Variants in NEURL4 observed in about 807,000 individuals in gnomAD.
The protein encoded by NEURL4 is neuralized-like protein 4.
A neutral mutation model predicts 148.0 loss-of-function variants in NEURL4; 45 were observed. That is an observed-to-expected ratio of 0.30 (90% CI 0.24 to 0.39). The LOEUF (loss-of-function observed/expected upper bound fraction) is 0.39. Among genes scored for constraint, NEURL4 ranks in the 10% least tolerant of loss-of-function variants. NEURL4 has a pLI of 1.00. For synonymous variants in NEURL4, 854 were observed against 869.0 expected (o/e 0.98, Z 0.30); for missense variants, 1,776 against 2,144.0 (o/e 0.83, Z 3.39).
chr17:7,322,337 T>C lies in NEURL4; in HGVS notation c.2726-327A>G, dbSNP rs941082077. Among the ~76,000 whole-genome samples the C allele has an allele frequency of 6.6e-6, 1 of 152,158 alleles. No homozygotes were observed. The highest frequency in any genetic ancestry group is 1.5e-5 in the Non-Finnish European group (1 of 68,018). Reference sequence around the variant, plus strand: ...CACACCTGCCTACATTTTGTATTTTTGGTACAGACGGGGTTTCGCCATGTT... The same window carrying C: ...CACACCTGCCTACATTTTGTATTTTCGGTACAGACGGGGTTTCGCCATGTT... On this transcript the variant is annotated intron_variant, in intron 16 of 28. Coordinates refer to ENST00000399464, the MANE Select transcript of NEURL4 (RefSeq NM_032442.3). This position sits in a 1 kb window ranked among gnomAD's most constrained non-coding sequence, Gnocchi z 5.5.
In NEURL4 at chr17:7,324,234, C is replaced by T. The variant is rs761752309; in HGVS notation, c.1936G>A (p.Gly646Arg). The T allele has an allele frequency of 1.1e-5, 17 of 1,612,436 alleles. No homozygotes were observed. The highest frequency in any genetic ancestry group is 1.7e-5 in the Admixed American group (1 of 59,980). Residue 646 changes from glycine to arginine, a missense_variant, in exon 11 of 29, where the codon GGG becomes AGG. Gly to Arg is a moderately radical substitution (Grantham distance 125). Transcript: ENST00000399464. The surrounding 1 kb of genome is among the most constrained non-coding windows in gnomAD (Gnocchi z 5.9). ...DTVGVVRRED[G>R]TLHFFVNGMT... Reference sequence around the variant, plus strand: ...CCATTGACAAAGAAGTGGAGAGTCCCGTCCTCCCGCCGTACCACGCCCACC... The same window carrying T: ...CCATTGACAAAGAAGTGGAGAGTCCTGTCCTCCCGCCGTACCACGCCCACC...
rs2073122195 is a variant in NEURL4 at position 7,327,769 on chromosome 17, C to A, written c.398G>T (p.Cys133Phe). 6.2e-7 allele frequency: 1 copy of A among 1,614,054 alleles called. No individual in the cohort carries two copies. The highest frequency in any genetic ancestry group is 1.1e-5 in the South Asian group (1 of 91,082). The change falls in exon 2 of 29, where the codon TGC becomes TTC. Residue 133 changes from cysteine (C) to phenylalanine (F), a missense_variant. Coordinates refer to ENST00000399464, the MANE Select transcript of NEURL4 (RefSeq NM_032442.3). This position sits in a 1 kb window ranked among gnomAD's most constrained non-coding sequence, Gnocchi z 6.6. ...AGAGCGTCCATCTCTCAGCACAGAG[C>A]AGCCCGACACTACCCACGAGCCCCC... is the stretch of plus-strand genomic sequence containing the variant. Reference protein sequence around the residue: ...LKGGSWVVSGCSVLRDGRSVL... With the variant: ...LKGGSWVVSGFSVLRDGRSVL...
chr17:7,321,985 G>T lies in NEURL4; in HGVS notation c.2751C>A (p.His917Gln), dbSNP rs1483959348. 1 of 1,610,476 alleles carries T rather than the reference G, an allele frequency of 6.2e-7. No homozygotes were observed. Among genetic ancestry groups the T allele is most frequent in the Admixed American group, 1.7e-5 (1 of 59,746 alleles). The change falls in exon 17 of 29, where the codon CAC becomes CAA. Residue 917 changes from histidine to glutamine, a missense_variant. Transcript: ENST00000399464. This position sits in a 1 kb window ranked among gnomAD's most constrained non-coding sequence, Gnocchi z 6.3. ...GAGTGACGTTCTTGCCGCAAGTACT[G>T]TGGAATCGGTGAGCCACGCCAGCCA... ...SPVAGVAHRF[H>Q]STCGKNVTLE...
chr17:7,316,987 C>G (rs1011828172), intron 28 of NEURL4, among the ~76,000 whole-genome samples: 1 of 152,006 alleles, frequency 6.6e-6, no homozygotes, highest in Non-Finnish European at 1.5e-5. Flanking sequence ...AGAGAAAAGG[C>G]AGAAGTTCCA....
chr17:7,325,055 C>A (rs1288631484), intron 8 of NEURL4, 75 bp from the exon 9 acceptor site: 3 of 1,576,404 alleles, frequency 1.9e-6, no homozygotes, highest in Non-Finnish European at 2.6e-6. Flanking sequence ...CCAGCAATGC[C>A]TGCCAACACT....
At position 7,319,100 on chromosome 17, in the gene NEURL4, G is replaced by A. The variant is rs200045023; in HGVS notation, c.3634C>T (p.Arg1212Trp). ...CGGCCCCGCAGCAGCCAGGCTGCCC[G>A]TTTGAGGGCACAGGCAGAAGCAGGG... is the stretch of plus-strand genomic sequence containing the variant. ...NFPASACALK[R>W]AAWLLRGRGV... is the part of the protein sequence containing the mutation. The change falls in exon 22 of 29, where the codon CGG becomes TGG. Residue 1212 changes from arginine (R) to tryptophan (W), a missense_variant. Coordinates refer to ENST00000399464, the MANE Select transcript of NEURL4 (RefSeq NM_032442.3). 34 of 1,613,936 alleles carry A rather than the reference G, an allele frequency of 2.1e-5. 1 individual carries two copies. Among genetic ancestry groups the A allele is most frequent in the Non-Finnish European group, 1.0e-5 (12 of 1,179,994 alleles).
rs1310016714 is a variant in NEURL4, at chr17:7,321,405, C to T, written c.3154G>A (p.Val1052Met). 3 of 1,614,166 alleles carry T rather than the reference C, an allele frequency of 1.9e-6. No individual in the cohort carries two copies. Among genetic ancestry groups the T allele is most frequent in the African/African-American group, 2.7e-5 (2 of 75,028 alleles). The change falls in exon 19 of 29, where the codon GTG (valine) becomes ATG (methionine). Residue 1052 changes from valine (V) to methionine (M), a missense_variant. Val to Met is a conservative substitution (Grantham distance 21). Coordinates refer to ENST00000399464, the MANE Select transcript of NEURL4 (RefSeq NM_032442.3). This position sits in a 1 kb window ranked among gnomAD's most constrained non-coding sequence, Gnocchi z 6.3. ...RGADDTMHIL[V>M]DGEDMGPAAT... ...GCAGGCCCCATATCCTCTCCATCCA[C>T]CAGGATGTGCATCGTGTCATCTGCC...
chr17:7,321,432 C>T lies in NEURL4; in HGVS notation c.3127G>A (p.Gly1043Arg). 1.2e-6 allele frequency: 2 copies of T among 1,614,160 alleles called. No homozygotes were observed. Among genetic ancestry groups the T allele is most frequent in the Non-Finnish European group, 1.7e-6 (2 of 1,180,034 alleles). ...GVGSRVGVRR[G>R]ADDTMHILVD... is the part of the protein sequence containing the mutation. ...AGGATGTGCATCGTGTCATCTGCCC[C>T]CCGACGAACACCCACACGGCTCCCC... Residue 1043 changes from glycine (G) to arginine (R), a missense_variant, in exon 19 of 29, where the codon GGG becomes AGG. Physicochemically the swap from Gly to Arg is moderately radical, Grantham distance 125. Transcript: ENST00000399464. This position sits in a 1 kb window ranked among gnomAD's most constrained non-coding sequence, Gnocchi z 6.3.
chr17:7,324,732 T>G lies in NEURL4; in HGVS notation c.1813+67A>C. On this transcript the variant is annotated intron_variant, in intron 9 of 28. Coordinates refer to ENST00000399464, the MANE Select transcript of NEURL4 (RefSeq NM_032442.3). The surrounding 1 kb of genome is among the most constrained non-coding windows in gnomAD (Gnocchi z 5.9). ...AGTGAAAAAGGAGCTGCAGAACAAGTGCCAGGGCTTTGGGGATAGCTTCCC... is the reference window on the plus strand; with the variant it reads ...AGTGAAAAAGGAGCTGCAGAACAAGGGCCAGGGCTTTGGGGATAGCTTCCC... 3.9e-6 allele frequency: 6 copies of G among 1,536,842 alleles called. No individual in the cohort carries two copies. The highest frequency in any genetic ancestry group is 4.5e-6 in the Non-Finnish European group (5 of 1,115,280).
In NEURL4 at chr17:7,326,478, T is replaced by C. The variant is rs1445530203; in HGVS notation, c.1163A>G (p.Asn388Ser). The C allele has an allele frequency of 6.2e-7, 1 of 1,613,974 alleles. No homozygotes were observed. The highest frequency in any genetic ancestry group is 1.3e-5 in the African/African-American group (1 of 74,894). ...CATGGTGGCTGGGTACTCCAAACTG[T>C]TGGGGTTGTGGGTGGTGACCCCAAT... is the stretch of plus-strand genomic sequence containing the variant. ...IEIGVTTHNPNSLEYPATMTN... is the reference protein window; with the variant it reads ...IEIGVTTHNPSSLEYPATMTN... The change falls in exon 5 of 29, where the codon AAC becomes AGC. Residue 388 changes from asparagine (N) to serine (S), a missense_variant. Physicochemically the swap from Asn to Ser is conservative, Grantham distance 46. Transcript: ENST00000399464. This position sits in a 1 kb window ranked among gnomAD's most constrained non-coding sequence, Gnocchi z 6.0.
rs991895147 is a variant in NEURL4, at chr17:7,327,021, G to A, written c.794-12C>T. ...CATGTTGGCAAAGTCTATAGCAGCAGGATGGAAGAAGGAAGCTCGGAAGTT... is the reference window on the plus strand; with the variant it reads ...CATGTTGGCAAAGTCTATAGCAGCAAGATGGAAGAAGGAAGCTCGGAAGTT... On this transcript the variant is annotated splice_polypyrimidine_tract_variant and intron_variant, in intron 3 of 28. Coordinates refer to ENST00000399464, the MANE Select transcript of NEURL4 (RefSeq NM_032442.3). This position sits in a 1 kb window ranked among gnomAD's most constrained non-coding sequence, Gnocchi z 6.6. 14 of 1,608,590 alleles carry A rather than the reference G, an allele frequency of 8.7e-6. No individual in the cohort carries two copies. The highest frequency in any genetic ancestry group is 3.3e-4 in the Middle Eastern group (2 of 6,060).
In NEURL4 at chr17:7,318,050, G is replaced by T; in HGVS notation, c.4060+15C>A. ...CCTGGGAATGAAGTCAGTTCTGGCG[G>T]ACTGTGGGACTCACCGGGAAGCAGC... On this transcript the variant is annotated intron_variant, in intron 25 of 28. Coordinates refer to ENST00000399464, the MANE Select transcript of NEURL4 (RefSeq NM_032442.3). The surrounding 1 kb of genome is among the most constrained non-coding windows in gnomAD (Gnocchi z 4.3). 6.2e-7 allele frequency: 1 copy of T among 1,613,734 alleles called. No individual in the cohort carries two copies. The highest frequency in any genetic ancestry group is 1.1e-5 in the South Asian group (1 of 91,044).
At chr17:7,317,419 C>G (rs567337724) in intron 27 of NEURL4, 42 bp downstream of exon 27, 1 of 1,612,998 alleles carries the variant, frequency 6.2e-7, no homozygotes, top group Non-Finnish European at 8.5e-7. Flanking sequence ...CTCCACAGCC[C>G]CCCAGGCTCA....
rs373140758 is a variant in NEURL4, at chr17:7,321,483, C to T, written c.3100-24G>A. The T allele has an allele frequency of 7.7e-5, 125 of 1,613,466 alleles. No homozygotes were observed. Among genetic ancestry groups the T allele is most frequent in the Middle Eastern group, 1.6e-4 (1 of 6,082 alleles). On this transcript the variant is annotated intron_variant, in intron 18 of 28. Transcript: ENST00000399464. The surrounding 1 kb of genome is among the most constrained non-coding windows in gnomAD (Gnocchi z 6.3). Reference sequence around the variant, plus strand: ...ACCTAGGACCGAGGTAGGACAAGGACGGACGATGTTCAGCCCACCTCTCCC... The same window carrying T: ...ACCTAGGACCGAGGTAGGACAAGGATGGACGATGTTCAGCCCACCTCTCCC...
Position 7,318,682 on chromosome 17 carries a change from G to A in NEURL4, c.3685-8C>T, listed in dbSNP as rs552299123. ...CCCAAACTTCTCGCAGATCTGGGAG[G>A]AGAGACCGGCTGTCTTCCAGAGGTC... On this transcript the variant is annotated splice_region_variant and splice_polypyrimidine_tract_variant and intron_variant, in intron 22 of 28. Coordinates refer to ENST00000399464, the MANE Select transcript of NEURL4 (RefSeq NM_032442.3). This position sits in a 1 kb window ranked among gnomAD's most constrained non-coding sequence, Gnocchi z 4.3. 5.6e-6 allele frequency: 9 copies of A among 1,598,728 alleles called. No individual in the cohort carries two copies. In the Admixed American group the frequency reaches 1.6e-4, roughly 28 times the overall value.
chr17:7,326,521 A>G lies in NEURL4; in HGVS notation c.1120T>C (p.Trp374Arg). The G allele has an allele frequency of 6.2e-7, 1 of 1,614,068 alleles. No homozygotes were observed. The highest frequency in any genetic ancestry group is 8.5e-7 in the Non-Finnish European group (1 of 1,180,010). Residue 374 changes from tryptophan to arginine, a missense_variant, in exon 5 of 29, where the codon TGG becomes CGG. Physicochemically the swap from Trp to Arg is moderately radical, Grantham distance 101. Transcript: ENST00000399464. The surrounding 1 kb of genome is among the most constrained non-coding windows in gnomAD (Gnocchi z 6.0). ...ACCCCAATCTCAATGGAGCCTGACCACTTATCAACAAGCTTGTCGATACGG... is the reference window on the plus strand; with the variant it reads ...ACCCCAATCTCAATGGAGCCTGACCGCTTATCAACAAGCTTGTCGATACGG... The part of the protein sequence containing the change: ...EIRIDKLVDK[W>R]SGSIEIGVTT...
chr17:7,320,950 C>A (rs1346400547), intron 20 of NEURL4, 27 bp from the exon 21 acceptor site: 2 of 1,612,214 alleles, frequency 1.2e-6, no homozygotes, highest in Non-Finnish European at 1.7e-6. Context: ...GACTGAGCTG[C>A]ATGGGTTGCC....
rs777687589 is a variant in NEURL4 at position 7,322,693 on chromosome 17, C to G, written c.2725+42G>C. ...GAAACCCTACTCCTCAGGTGCACAG[C>G]AGGCAAGCAGAGCCCGTCCAGCCCC... On this transcript the variant is annotated intron_variant, in intron 16 of 28. Coordinates refer to ENST00000399464, the MANE Select transcript of NEURL4 (RefSeq NM_032442.3). This position sits in a 1 kb window ranked among gnomAD's most constrained non-coding sequence, Gnocchi z 5.5. The G allele has an allele frequency of 6.3e-7, 1 of 1,597,914 alleles. No individual in the cohort carries two copies. The highest frequency in any genetic ancestry group is 1.1e-5 in the South Asian group (1 of 90,846).
At position 7,324,079 on chromosome 17, in the gene NEURL4, C is replaced by T. The variant is rs757408748; in HGVS notation, c.2062+29G>A. The stretch of plus-strand genomic sequence containing the variant: ...TCAGACCTCCCAAGGCCACCCTAAC[C>T]CCCAGCCCCAGCCCAGCCCGGCCCT... On this transcript the variant is annotated intron_variant, in intron 11 of 28. Coordinates refer to ENST00000399464, the MANE Select transcript of NEURL4 (RefSeq NM_032442.3). This position sits in a 1 kb window ranked among gnomAD's most constrained non-coding sequence, Gnocchi z 5.9. 1.2e-5 allele frequency: 20 copies of T among 1,610,400 alleles called. No individual in the cohort carries two copies. The highest frequency in any genetic ancestry group is 1.7e-5 in the Non-Finnish European group (20 of 1,179,598).
Sources: allele counts gnomAD v4.1 joint callset (sites outside exome capture counted in the v4.1 genomes callset), GRCh38; gene constraint gnomAD v4.1.1; non-coding constraint Gnocchi (gnomAD v3.1); transcripts MANE v1.5; gene names NCBI Gene and HGNC (gene_info 2026-07-23, HGNC 2026-07-21).